RBFOX1: variants seen among roughly 807,000 people sequenced by gnomAD.
The protein encoded by RBFOX1 is RNA binding fox-1 homolog 1, also known as RNA binding protein fox-1 homolog 1.
RBFOX1 carries 8 observed loss-of-function variants against 57.7 expected under a neutral mutation model. The ratio of observed to expected loss-of-function variants is 0.14; its 90% CI spans 0.08 to 0.25. RBFOX1 has a LOEUF of 0.25. RBFOX1 is among the 10% of genes least tolerant of loss of function. The probability of loss-of-function intolerance (pLI) is 1.00; values close to 1 mark genes in which losing one functional copy is unlikely to be tolerated. For missense variants in RBFOX1, 611 were observed against 548.5 expected, an observed-to-expected ratio of 1.11 and a Z score of -1.14; for synonymous variants, 326 against 222.4, an observed-to-expected ratio of 1.47 and a Z score of -4.15.
At chr16:5,643,743 G>T (rs1013885664) in intron 3 of RBFOX1, among the ~76,000 whole-genome samples, 3 of 152,202 alleles carry the variant, frequency 2.0e-5, no homozygotes, top group East Asian at 3.9e-4. Context: ...TTACTGATTT[G>T]AGAGTCACCA....
chr16:6,471,280 A>T (rs1003107426), intron 2 of RBFOX1, among the ~76,000 whole-genome samples: 1 of 152,182 alleles, frequency 6.6e-6, no homozygotes, highest in African/African-American at 2.4e-5. Flanking sequence ...CACCTTTTGA[A>T]TTCTCTGAAA....
intron 4 of RBFOX1, among the ~76,000 whole-genome samples, chr16:7,197,998 C>CTTTCTTTTTTT (rs61556349): frequency 5.4e-5 from 3 of 55,594 alleles, no homozygotes; most frequent in African/African-American, 1.5e-4. Context: ...TTCTTTCTTT[C>CTTTCTTTTTTT]TTTTTTTTTT....
chr16:7,426,199 A>G (rs1038858402), intron 4 of RBFOX1, among the ~76,000 whole-genome samples: 1 of 151,774 alleles, frequency 6.6e-6, no homozygotes, highest in East Asian at 1.9e-4. Flanking sequence ...AAGAGCTCTT[A>G]AAGAAGTGAT....
chr16:6,611,142 G>C (rs1601476013), intron 2 of RBFOX1, among the ~76,000 whole-genome samples: 1 of 152,044 alleles, frequency 6.6e-6, no homozygotes, highest in African/African-American at 2.4e-5. Context: ...AATAGTCTTT[G>C]TGTAGTTATT....
intron 5 of RBFOX1, among the ~76,000 whole-genome samples, chr16:7,548,408 C>G (rs997806466): frequency 1.3e-5 from 2 of 152,162 alleles, no homozygotes; most frequent in Non-Finnish European, 2.9e-5. Flanking sequence ...CCACCGGCTG[C>G]GCCACCCAAA....
intron 4 of RBFOX1, among the ~76,000 whole-genome samples, chr16:7,268,613 G>T (rs1603462953): frequency 6.6e-6 from 1 of 152,294 alleles, no homozygotes; most frequent in South Asian, 2.1e-4. Flanking sequence ...TGGCCAAGTT[G>T]TCTTGTGATT....
chr16:7,507,994 C>G (rs1039020863), intron 4 of RBFOX1, among the ~76,000 whole-genome samples: 3 of 149,598 alleles, frequency 2.0e-5, no homozygotes, highest in Admixed American at 2.0e-4. Context: ...GTTTTTTTTT[C>G]TTTTCTTTTT....
At chr16:7,112,193 C>CTTGT (rs2064921540) in intron 4 of RBFOX1, among the ~76,000 whole-genome samples, 2 of 152,202 alleles carry the variant, frequency 1.3e-5, no homozygotes, top group Admixed American at 1.3e-4. Context: ...TGTCATCCAT[C>CTTGT]TTGTACATAG....
chr16:6,620,197 C>G (rs1461614039), intron 2 of RBFOX1, among the ~76,000 whole-genome samples: 4 of 152,160 alleles, frequency 2.6e-5, no homozygotes, highest in South Asian at 2.1e-4. Context: ...AGAATTCACT[C>G]AAAACCATAC....
intron 2 of RBFOX1, among the ~76,000 whole-genome samples, chr16:5,562,500 GAA>G (rs1203876753): frequency 7.0e-6 from 1 of 142,334 alleles, no homozygotes; most frequent in African/African-American, 2.5e-5. Context: ...AGGAGGAGAA[GAA>G]GGGGGAGGAC....
intron 1 of RBFOX1, among the ~76,000 whole-genome samples, chr16:6,114,724 G>A (rs1421293961): frequency 4.6e-5 from 7 of 152,160 alleles, no homozygotes; most frequent in African/African-American, 1.7e-4. Flanking sequence ...GATGACTAAT[G>A]GCTAGTGATG....
chr16:5,850,826 G>C (rs1225924958), intron 3 of RBFOX1, among the ~76,000 whole-genome samples: 1 of 152,222 alleles, frequency 6.6e-6, no homozygotes, highest in Non-Finnish European at 1.5e-5. Context: ...GGTGTGAGCA[G>C]TTCACATTTG....
intron 1 of RBFOX1, among the ~76,000 whole-genome samples, chr16:5,405,462 G>A (rs2066839432): frequency 6.6e-6 from 1 of 152,176 alleles, no homozygotes; most frequent in South Asian, 2.1e-4. Flanking sequence ...TGCCATGATT[G>A]TGAGGCCTCC....
chr16:7,189,801 T>A (rs2152610342), intron 4 of RBFOX1, among the ~76,000 whole-genome samples: 1 of 152,346 alleles, frequency 6.6e-6, no homozygotes, highest in East Asian at 1.9e-4. Flanking sequence ...CAAGTAAGTT[T>A]TCTTTCTTTC....
At chr16:5,808,296 G>T (rs1488516990) in intron 3 of RBFOX1, among the ~76,000 whole-genome samples, 2 of 152,210 alleles carry the variant, frequency 1.3e-5, no homozygotes, top group Admixed American at 1.3e-4. Context: ...ATTGGTACCA[G>T]TGCCATGCTG....
intron 3 of RBFOX1, among the ~76,000 whole-genome samples, chr16:6,905,649 C>T (rs1567813361): frequency 6.6e-6 from 1 of 151,922 alleles, no homozygotes; most frequent in Non-Finnish European, 1.5e-5. Context: ...CGTTTAGCAA[C>T]ATTGCCCCCA....
At chr16:7,534,073 C>A (rs2080858061) in intron 5 of RBFOX1, among the ~76,000 whole-genome samples, 1 of 144,408 alleles carries the variant, frequency 6.9e-6, no homozygotes, top group South Asian at 2.4e-4. Flanking sequence ...TCAAAGGTCC[C>A]AACGTTTTTT....
At chr16:6,418,250 T>TGGCC (rs2152984517) in intron 2 of RBFOX1, among the ~76,000 whole-genome samples, 1 of 152,214 alleles carries the variant, frequency 6.6e-6, no homozygotes, top group Admixed American at 6.5e-5. Context: ...AGCCAGTGAG[T>TGGCC]GGCCGGGTCT....
At chr16:5,376,269 G>A (rs1330399263) in intron 1 of RBFOX1, among the ~76,000 whole-genome samples, 3 of 152,084 alleles carry the variant, frequency 2.0e-5, no homozygotes, top group Admixed American at 6.5e-5. Context: ...GAGAGCATGC[G>A]CGGAACTCTG....
Sources: gnomAD v4.1 joint callset for allele counts (sites outside exome capture counted in the v4.1 genomes callset) on GRCh38, gnomAD v4.1.1 for gene constraint, MANE v1.5 for transcripts, NCBI Gene and HGNC (gene_info 2026-07-23, HGNC 2026-07-21) for gene names.